The following WASF3 variants were observed in gnomAD, a reference collection of about 807,000 sequenced individuals.
WASF3 encodes the protein actin-binding protein WASF3.
In WASF3, 11 loss-of-function variants were observed where a neutral mutation model predicts 46.6. That is an observed-to-expected ratio of 0.24 (90% CI 0.15 to 0.39). The LOEUF is 0.39. WASF3 is among the 10% of genes least tolerant of loss of function. WASF3 has a pLI of 1.00. For missense variants in WASF3, 576 were observed against 669.8 expected (o/e 0.86, Z 1.55); for synonymous variants, 242 against 259.7 (o/e 0.93, Z 0.65).
chr13:26,578,993 C>CTTTTTTTTTTTTTTTTTTTTT lies in WASF3; in HGVS notation c.-109+21177_-109+21197dup, dbSNP rs200299739. 1.6e-3 allele frequency among the ~76,000 whole-genome samples: 96 copies of CTTTTTTTTTTTTTTTTTTTTT among 60,622 alleles called. 18 individuals carry two copies. The highest frequency in any genetic ancestry group is 3.5e-3 in the African/African-American group (45 of 13,026). 39.8% of individuals were successfully genotyped at this position (60,622 alleles called of 152,430 possible). A position where few individuals can be genotyped will look rare whatever the true frequency, so the allele number is the denominator to read the frequency against. ...ACCTTATATTCTTGGGATACATTTC[C>CTTTTTTTTTTTTTTTTTTTTT]TTTTTTTTTTTTTTTTTTTTTTTGT... On this transcript the variant is annotated intron_variant, in intron 1 of 9. Coordinates refer to ENST00000335327, the MANE Select transcript of WASF3 (RefSeq NM_006646.6).
chr13:26,557,821 T>G lies in WASF3; in HGVS notation c.-109+2T>G. On this transcript the variant is annotated splice_donor_variant, in intron 1 of 9. Coordinates refer to ENST00000335327, the MANE Select transcript of WASF3 (RefSeq NM_006646.6). LOFTEE classifies it low-confidence loss of function (5UTR_SPLICE). Reference sequence around the variant, plus strand: ...CGCCGGCGGCGGGACCGCGGACCGGTGAGTGAGGGCTGCGGTCGCCCCGGC... The same window carrying G: ...CGCCGGCGGCGGGACCGCGGACCGGGGAGTGAGGGCTGCGGTCGCCCCGGC... 3.3e-6 allele frequency: 1 copy of G among 299,602 alleles called. No homozygotes were observed. 18.6% of individuals were successfully genotyped at this position (299,602 alleles called of 1,614,324 possible). A position where few individuals can be genotyped will look rare whatever the true frequency, so the allele number is the denominator to read the frequency against.
intron 1 of WASF3, among the ~76,000 whole-genome samples, chr13:26,607,535 G>A (rs1209849561): frequency 6.6e-6 from 1 of 152,084 alleles, no homozygotes; most frequent in Non-Finnish European, 1.5e-5. Context: ...TATTATCCCA[G>A]CTCAGGTAAA....
intron 1 of WASF3, among the ~76,000 whole-genome samples, chr13:26,568,888 A>G (rs147999852): frequency 4.1e-4 from 62 of 152,366 alleles, no homozygotes; most frequent in African/African-American, 1.5e-3. Flanking sequence ...TAGTTGCACA[A>G]TGTACGTCTC....
chr13:26,615,822 T>G (rs1468176194), intron 2 of WASF3, among the ~76,000 whole-genome samples: 3 of 152,230 alleles, frequency 2.0e-5, no homozygotes, highest in African/African-American at 7.2e-5. Context: ...CTCTGCTTTC[T>G]GTCCCTATAG....
chr13:26,651,417 G>A (rs1368974435), intron 3 of WASF3, among the ~76,000 whole-genome samples: 3 of 152,202 alleles, frequency 2.0e-5, no homozygotes, highest in African/African-American at 7.2e-5. Context: ...TATACATCAT[G>A]TAAAAGAAGG....
At chr13:26,617,760 T>C (rs1397469743) in intron 2 of WASF3, among the ~76,000 whole-genome samples, 2 of 152,136 alleles carry the variant, frequency 1.3e-5, no homozygotes, top group Non-Finnish European at 2.9e-5. Flanking sequence ...CAAAATCTCA[T>C]GTTGAGTTGT....
At chr13:26,681,000 C>G in intron 7 of WASF3, 54 bp from the exon 8 acceptor site, 1 of 1,557,638 alleles carries the variant, frequency 6.4e-7, no homozygotes, top group South Asian at 1.2e-5. Flanking sequence ...GCCTGTTAGC[C>G]GACAATTTTT....
At chr13:26,617,081 TACA>T (rs1881157458) in intron 2 of WASF3, among the ~76,000 whole-genome samples, 1 of 152,242 alleles carries the variant, frequency 6.6e-6, no homozygotes. Context: ...CTTTTTTTCT[TACA>T]ACTTTTCCGT....
chr13:26,670,356 G>C (rs1220203836), intron 5 of WASF3, among the ~76,000 whole-genome samples: 1 of 151,858 alleles, frequency 6.6e-6, no homozygotes, highest in African/African-American at 2.4e-5. Context: ...GGGGGTGAGG[G>C]ACAAGGGGGA....
chr13:26,595,525 G>GGT (rs953615272), intron 1 of WASF3, among the ~76,000 whole-genome samples: 1 of 151,752 alleles, frequency 6.6e-6, no homozygotes, highest in Non-Finnish European at 1.5e-5. Context: ...TTAAACTGCA[G>GGT]GTGTGTGTGT....
chr13:26,672,194 G>C (rs1882942580), intron 6 of WASF3, among the ~76,000 whole-genome samples: 2 of 152,170 alleles, frequency 1.3e-5, no homozygotes, highest in Non-Finnish European at 2.9e-5. Flanking sequence ...TCCAGCACTT[G>C]CTTTGCTTTA....
chr13:26,618,133 C>T (rs566212003), intron 2 of WASF3, among the ~76,000 whole-genome samples: 2 of 152,292 alleles, frequency 1.3e-5, no homozygotes, highest in East Asian at 1.9e-4. Flanking sequence ...CACCCATTAA[C>T]ACTTACTGTG....
intron 3 of WASF3, among the ~76,000 whole-genome samples, chr13:26,655,224 C>T (rs965234613): frequency 5.3e-5 from 8 of 152,164 alleles, no homozygotes; most frequent in African/African-American, 1.9e-4. Flanking sequence ...GACCTTGACA[C>T]TTTTATGACC....
intron 7 of WASF3, chr13:26,680,037 A>G (rs751325360): frequency 2.2e-5 from 35 of 1,596,182 alleles, no homozygotes; most frequent in Non-Finnish European, 2.8e-5. Flanking sequence ...TCCTTCAGAG[A>G]GAGAAACACA....
rs566141399 is a variant in WASF3 at position 26,562,263 on chromosome 13, T to C, written c.-109+4444T>C. On this transcript the variant is annotated intron_variant, in intron 1 of 9. Coordinates refer to ENST00000335327, the MANE Select transcript of WASF3 (RefSeq NM_006646.6). ...TTTGAAAGGGAAGCAGATAATAGGC[T>C]CCCACACTGGGACTAAGAAGGATGG... 5.3e-5 allele frequency among the ~76,000 whole-genome samples: 8 copies of C among 152,180 alleles called. No individual in the cohort carries two copies. The East Asian group carries it at 1.5e-3, about 29-fold the overall frequency.
chr13:26,652,670 T>A (rs1343063667), intron 3 of WASF3, among the ~76,000 whole-genome samples: 1 of 152,120 alleles, frequency 6.6e-6, no homozygotes, highest in Non-Finnish European at 1.5e-5. Flanking sequence ...ATGAGATAAT[T>A]ATAATCTTTT....
chr13:26,657,077 A>T (rs1029220551), intron 3 of WASF3, among the ~76,000 whole-genome samples: 1 of 152,174 alleles, frequency 6.6e-6, no homozygotes, highest in Non-Finnish European at 1.5e-5. Context: ...TTGAATTACG[A>T]CCAGAAGGGG....
At chr13:26,676,186 A>G (rs193127297) in intron 6 of WASF3, among the ~76,000 whole-genome samples, 5 of 152,350 alleles carry the variant, frequency 3.3e-5, no homozygotes, top group Admixed American at 6.5e-5. Context: ...GTGGCGGGAA[A>G]TAATTTCTCT....
chr13:26,588,696 C>T (rs191911880), intron 1 of WASF3, among the ~76,000 whole-genome samples: 39 of 152,112 alleles, frequency 2.6e-4, no homozygotes, highest in Middle Eastern at 3.4e-3. Flanking sequence ...TACCTGTGTC[C>T]CTCCCCATCC....
Sources: gnomAD v4.1 joint callset for allele counts (sites outside exome capture counted in the v4.1 genomes callset) on GRCh38, gnomAD v4.1.1 for gene constraint, MANE v1.5 for transcripts, NCBI Gene and HGNC (gene_info 2026-07-23, HGNC 2026-07-21) for gene names.